Variants in PAX2 observed in about 807,000 individuals in gnomAD.
The protein encoded by PAX2 is paired box 2, also known as paired box protein Pax-2.
PAX2 carries 9 observed loss-of-function variants against 41.7 expected under a neutral mutation model. That is an observed-to-expected ratio of 0.22 (90% CI 0.13 to 0.38). The LOEUF (loss-of-function observed/expected upper bound fraction) is 0.38, where lower values mean the gene tolerates loss of function less well. PAX2 is among the 10% of genes least tolerant of loss of function. The probability of loss-of-function intolerance (pLI) is 1.00; values close to 1 mark genes in which losing one functional copy is unlikely to be tolerated. For synonymous variants in PAX2, 221 were observed against 212.7 expected, an observed-to-expected ratio of 1.04 and a Z score of -0.34; for missense variants, 418 against 531.6, an observed-to-expected ratio of 0.79 and a Z score of 2.10.
intron 3 of PAX2, among the ~76,000 whole-genome samples, chr10:100,767,329 C>T (rs1022083948): frequency 1.3e-5 from 2 of 152,180 alleles, no homozygotes; most frequent in Non-Finnish European, 2.9e-5. Context: ...AGCAGGTGGA[C>T]GTGTCCAGAC....
In PAX2 at chr10:100,781,298, A is replaced by G; in HGVS notation, c.549A>G (p.Gly183=). 2 of 1,613,272 alleles carry G rather than the reference A, an allele frequency of 1.2e-6. No individual in the cohort carries two copies. Among genetic ancestry groups the G allele is most frequent in the Non-Finnish European group, 1.7e-6 (2 of 1,179,264 alleles). The change falls in exon 5 of 10, where the codon GGA becomes GGG. Residue 183 remains glycine (G), a synonymous_variant. Coordinates refer to ENST00000355243, the MANE Select transcript of PAX2 (RefSeq NM_000278.5). ...CCAGCGCCTCCAATGACCCAGTGGGATCCTACTCCATCAATGGGATCCTGG... is the reference window on the plus strand; with the variant it reads ...CCAGCGCCTCCAATGACCCAGTGGGGTCCTACTCCATCAATGGGATCCTGG... ...PVSSASNDPV[G]SYSINGILGI... is the part of the protein sequence containing the mutation.
intron 3 of PAX2, among the ~76,000 whole-genome samples, chr10:100,778,506 G>A (rs539909234): frequency 2.9e-4 from 44 of 152,262 alleles, no homozygotes; most frequent in African/African-American, 1.0e-3. Context: ...ACTTGCTCAT[G>A]GCTTGTGACT....
intron 3 of PAX2, among the ~76,000 whole-genome samples, chr10:100,770,636 C>A (rs746646789): frequency 6.6e-6 from 1 of 152,228 alleles, no homozygotes; most frequent in Non-Finnish European, 1.5e-5. Flanking sequence ...CTCAGGGGCA[C>A]GTGGCGGAAA....
chr10:100,752,098 A>G (rs7921610), intron 3 of PAX2, among the ~76,000 whole-genome samples: 6,891 of 152,300 alleles, frequency 0.045, 431 homozygotes, highest in African/African-American at 0.14. Flanking sequence ...GGTAGAATGT[A>G]CCTTGGCTAA....
rs1006315052 is a variant in PAX2 at position 100,746,457 on chromosome 10, G to A, written c.43+154G>A. The stretch of plus-strand genomic sequence containing the variant: ...TTTTCGTTCTTTCTCTCCCTCGCCC[G>A]GTGTTTCTAATGCCTCCAGTTTCTC... On this transcript the variant is annotated intron_variant, in intron 1 of 9. Coordinates refer to ENST00000355243, the MANE Select transcript of PAX2 (RefSeq NM_000278.5). Among the ~76,000 whole-genome samples the A allele has an allele frequency of 3.9e-5, 6 of 152,202 alleles. No homozygotes were observed. In the East Asian group the frequency reaches 1.2e-3, roughly 29 times the overall value.
chr10:100,745,872 C>G lies in PAX2; in HGVS notation c.-389C>G. 1.8e-6 allele frequency: 2 copies of G among 1,118,766 alleles called. No individual in the cohort carries two copies. Among genetic ancestry groups the G allele is most frequent in the Non-Finnish European group, 2.2e-6 (2 of 916,004 alleles). The allele number at this position is 1,118,766 out of a possible 1,614,324, so 69.3% of individuals were successfully genotyped here. On this transcript the variant is annotated 5_prime_UTR_variant, in exon 1 of 10. Coordinates refer to ENST00000355243, the MANE Select transcript of PAX2 (RefSeq NM_000278.5). ...CCCGCCCCGCGCGCTCTCCGACCACCGCCTCTCGGATGACCAGGTTCCAGG... is the reference window on the plus strand; with the variant it reads ...CCCGCCCCGCGCGCTCTCCGACCACGGCCTCTCGGATGACCAGGTTCCAGG...
At position 100,745,775 on chromosome 10, in the gene PAX2, T is replaced by C. The variant is rs1845138447; in HGVS notation, c.-486T>C. 4 of 1,045,446 alleles carry C rather than the reference T, an allele frequency of 3.8e-6. No homozygotes were observed. Among genetic ancestry groups the C allele is most frequent in the Non-Finnish European group, 4.6e-6 (4 of 867,386 alleles). 64.8% of individuals were successfully genotyped at this position (1,045,446 alleles called of 1,614,324 possible). A position where few individuals can be genotyped will look rare whatever the true frequency, so the allele number is the denominator to read the frequency against. ...CCTCGGACATCCCCGGGATTGCTAC[T>C]TCTCTGCCAACTTCGCCAACTCGCC... On this transcript the variant is annotated 5_prime_UTR_variant, in exon 1 of 10. Coordinates refer to ENST00000355243, the MANE Select transcript of PAX2 (RefSeq NM_000278.5).
chr10:100,781,428 C>T (rs532544105), intron 5 of PAX2, 63 bp downstream of exon 5: 192 of 1,585,452 alleles, frequency 1.2e-4, no homozygotes, highest in Middle Eastern at 3.3e-4. Flanking sequence ...CTCCAAGCTC[C>T]GGTTTCGGCC....
chr10:100,824,681 AC>A lies in PAX2; in HGVS notation c.959del (p.Pro320LeufsTer50). The A allele has an allele frequency of 6.2e-7, 1 of 1,607,658 alleles. No individual in the cohort carries two copies. Among genetic ancestry groups the A allele is most frequent in the Non-Finnish European group, 8.5e-7 (1 of 1,175,178 alleles). ...ATGGCGAGCACCACTCTGCCTGGTT[AC>A]CCCCCTCACGTGCCCCCCACTGGCC... Reference protein sequence around the residue: ...RDMASTTLPGYPPHVPPTGQG... With the variant: ...RDMASTTLPGXPPHVPPTGQG... On this transcript the variant is annotated frameshift_variant, in exon 8 of 10. Transcript: ENST00000355243. LOFTEE classifies it high-confidence loss of function. The surrounding 1 kb of genome is among the most constrained non-coding windows in gnomAD (Gnocchi z 6.6).
rs1194399477 is a variant in PAX2, at chr10:100,748,401, G to T, written c.44-1345G>T. The T allele has an allele frequency of 1.0e-6, 1 of 979,754 alleles. No homozygotes were observed. The highest frequency in any genetic ancestry group is 1.2e-6 in the Non-Finnish European group (1 of 829,802). The allele number at this position is 979,754 out of a possible 1,614,324, so 60.7% of individuals were successfully genotyped here. On this transcript the variant is annotated intron_variant, in intron 1 of 9. Transcript: ENST00000355243. This position sits in a 1 kb window ranked among gnomAD's most constrained non-coding sequence, Gnocchi z 5.0. ...ACGCGATCAGAGGTCTTTCCCCAGG[G>T]TTTCACCGAGCTTGCTCTAGGTACC... is the stretch of plus-strand genomic sequence containing the variant.
At chr10:100,782,725 G>T (rs1266002476) in intron 5 of PAX2, among the ~76,000 whole-genome samples, 1 of 152,294 alleles carries the variant, frequency 6.6e-6, no homozygotes, top group African/African-American at 2.4e-5. Context: ...GGCCGCCACG[G>T]CCTTTGCCAT....
upstream of PAX2, among the ~76,000 whole-genome samples, chr10:100,743,404 A>T (rs1375198022): frequency 6.7e-6 from 1 of 148,482 alleles, no homozygotes; most frequent in Non-Finnish European, 1.5e-5. Context: ...CTGGTTCTAG[A>T]AAAATCTGTG....
chr10:100,756,982 T>C (rs183697395), intron 3 of PAX2, among the ~76,000 whole-genome samples: 2 of 152,378 alleles, frequency 1.3e-5, no homozygotes, highest in Admixed American at 1.3e-4. Context: ...AAGTGAAATA[T>C]TAGACAGCTG....
chr10:100,812,003 G>T (rs2133961692), intron 7 of PAX2, among the ~76,000 whole-genome samples: 2 of 152,346 alleles, frequency 1.3e-5, no homozygotes, highest in East Asian at 1.9e-4. Context: ...ACTTGATGCA[G>T]CTATTCCACA....
intron 7 of PAX2, among the ~76,000 whole-genome samples, chr10:100,819,570 T>TAATACA (rs1848313173): frequency 6.6e-6 from 1 of 152,030 alleles, no homozygotes; most frequent in African/African-American, 2.4e-5. Context: ...GACTCCGTCT[T>TAATACA]AATAAAAATA....
At chr10:100,735,682 G>A (rs1844761480) in exon 1 of PAX2, 1 of 1,057,804 alleles carries the variant, frequency 9.5e-7, no homozygotes, top group African/African-American at 1.6e-5. Flanking sequence ...CCCAGCCCCA[G>A]GACGCGGCGG....
chr10:100,827,016 G>C lies in PAX2; in HGVS notation c.1029G>C (p.Glu343Asp), dbSNP rs370756373. 1.7e-5 allele frequency: 28 copies of C among 1,612,964 alleles called. No homozygotes were observed. The highest frequency in any genetic ancestry group is 2.4e-5 in the Non-Finnish European group (28 of 1,179,098). Reference sequence around the variant, plus strand: ...TCCCCGACCCTCCCGCAGGGAGCGAGTTCTCCGGCAACCCGTACAGCCACC... The same window carrying C: ...TCCCCGACCCTCCCGCAGGGAGCGACTTCTCCGGCAACCCGTACAGCCACC... Reference protein sequence around the residue: ...STLAGMVPGSEFSGNPYSHPQ... With the variant: ...STLAGMVPGSDFSGNPYSHPQ... Residue 343 changes from glutamate (E) to aspartate (D), a missense_variant, in exon 9 of 10, where the codon GAG becomes GAC. Glu to Asp is a conservative substitution (Grantham distance 45, BLOSUM62 2). This residue lies in a region of PAX2 where 310 missense variants were observed against 325.2 expected (regional missense o/e 0.95). Transcript: ENST00000355243. The surrounding 1 kb of genome is among the most constrained non-coding windows in gnomAD (Gnocchi z 8.5).
In PAX2 at chr10:100,791,846, TG is replaced by T. The variant is rs1847131984; in HGVS notation, c.616+10484del. Among the ~76,000 whole-genome samples, 1 of 152,186 alleles carries T rather than the reference TG, an allele frequency of 6.6e-6. No homozygotes were observed. The highest frequency in any genetic ancestry group is 1.5e-5 in the Non-Finnish European group (1 of 68,026). On this transcript the variant is annotated intron_variant, in intron 5 of 9. Transcript: ENST00000355243. This position sits in a 1 kb window ranked among gnomAD's most constrained non-coding sequence, Gnocchi z 4.5. Reference sequence around the variant, plus strand: ...TGAGCCCTTGGGCAGTGTGGGCACCTGGGTGGACTGGTGGTGTGGGGAGCCG... The same window carrying T: ...TGAGCCCTTGGGCAGTGTGGGCACCTGGTGGACTGGTGGTGTGGGGAGCCG...
upstream of PAX2, among the ~76,000 whole-genome samples, chr10:100,745,452 C>A (rs1290540660): frequency 6.6e-6 from 1 of 151,570 alleles, no homozygotes; most frequent in African/African-American, 2.4e-5. Flanking sequence ...CCAGCGCTGG[C>A]GAATCACAGA....
Sources: allele counts gnomAD v4.1 joint callset (sites outside exome capture counted in the v4.1 genomes callset), GRCh38; gene constraint gnomAD v4.1.1; regional missense constraint gnomAD v4.1.1; non-coding constraint Gnocchi (gnomAD v3.1); transcripts MANE v1.5; gene names NCBI Gene and HGNC (gene_info 2026-07-23, HGNC 2026-07-21).